The following METTL25 variants were observed in gnomAD, a reference collection of about 807,000 sequenced individuals.
The protein encoded by METTL25 is methyltransferase like 25, also known as probable methyltransferase-like protein 25.
A neutral mutation model predicts 71.6 loss-of-function variants in METTL25; 64 were observed. The observed-to-expected ratio is 0.89, with a 90% CI of 0.73 to 1.10. METTL25 has a LOEUF of 1.10. METTL25 is among the 50% of genes least tolerant of loss of function. The probability of loss-of-function intolerance (pLI) is 0.00; values close to 1 mark genes in which losing one functional copy is unlikely to be tolerated. For missense variants in METTL25, 807 were observed against 707.0 expected (o/e 1.14, Z -1.60); for synonymous variants, 287 against 250.3 (o/e 1.15, Z -1.38).
At chr12:82,474,053 C>T (rs1322616036) in intron 9 of METTL25, among the ~76,000 whole-genome samples, 2 of 152,230 alleles carry the variant, frequency 1.3e-5, no homozygotes, top group Admixed American at 6.5e-5. Context: ...GTGGGGAGTG[C>T]GCGCATTGTT....
intron 5 of METTL25, among the ~76,000 whole-genome samples, chr12:82,417,010 A>C (rs1296052494): frequency 1.3e-5 from 2 of 152,158 alleles, no homozygotes; most frequent in Admixed American, 1.3e-4. Context: ...TGAGTTTCTA[A>C]ACTTGCAACT....
chr12:82,452,298 A>T (rs886452890), intron 8 of METTL25, among the ~76,000 whole-genome samples: 2 of 152,140 alleles, frequency 1.3e-5, no homozygotes, highest in African/African-American at 2.4e-5. Context: ...TTCTGTTTAA[A>T]GATTCTTTGG....
chr12:82,405,982 C>T (rs1191102061), intron 5 of METTL25, among the ~76,000 whole-genome samples: 1 of 152,144 alleles, frequency 6.6e-6, no homozygotes, highest in African/African-American at 2.4e-5. Context: ...ACTGAACAAA[C>T]ATTTATTGAG....
chr12:82,409,120 T>TTG (rs1377743858), intron 5 of METTL25, among the ~76,000 whole-genome samples: 1 of 152,158 alleles, frequency 6.6e-6, no homozygotes, highest in Non-Finnish European at 1.5e-5. Flanking sequence ...TGAATGTGTT[T>TTG]ACCCAATACA....
chr12:82,362,011 C>T (rs1881997808), intron 1 of METTL25, among the ~76,000 whole-genome samples: 1 of 152,204 alleles, frequency 6.6e-6, no homozygotes, highest in Non-Finnish European at 1.5e-5. Flanking sequence ...TACAAGTAAA[C>T]ATAATTCCCA....
At chr12:82,417,813 A>G (rs1888118856) in intron 5 of METTL25, among the ~76,000 whole-genome samples, 1 of 152,120 alleles carries the variant, frequency 6.6e-6, no homozygotes, top group African/African-American at 2.4e-5. Flanking sequence ...ATGCTGTTTT[A>G]TATAGGGTAG....
In METTL25 at chr12:82,445,033, TGAGA is replaced by T. The variant is rs577614169; in HGVS notation, c.1478+6245_1478+6248del. Among the ~76,000 whole-genome samples the T allele has an allele frequency of 1.6e-4, 24 of 152,154 alleles. 1 individual carries two copies. In the South Asian group the frequency reaches 4.2e-3, roughly 26 times the overall value. ...GTACATCAAGAAAAGTAGAAAAACT[TGAGA>T]GAAACGACCTAATAGTATACCTCCA... On this transcript the variant is annotated intron_variant, in intron 8 of 11. Coordinates refer to ENST00000248306, the MANE Select transcript of METTL25 (RefSeq NM_032230.3).
chr12:82,452,033 A>C (rs1210723276), intron 8 of METTL25, among the ~76,000 whole-genome samples: 1 of 152,106 alleles, frequency 6.6e-6, no homozygotes, highest in African/African-American at 2.4e-5. Flanking sequence ...TTTCTTCTAG[A>C]CTGAGCTATT....
At chr12:82,398,110 T>A (rs1240351930) in intron 3 of METTL25, among the ~76,000 whole-genome samples, 1 of 152,026 alleles carries the variant, frequency 6.6e-6, no homozygotes. Flanking sequence ...TATCTCTTTA[T>A]ATCAATTTTT....
At chr12:82,460,349 A>G (rs868850872) in intron 9 of METTL25, among the ~76,000 whole-genome samples, 1 of 152,216 alleles carries the variant, frequency 6.6e-6, no homozygotes, top group Non-Finnish European at 1.5e-5. Flanking sequence ...AGATAGAGCA[A>G]AACTCCCCAT....
Position 82,389,861 on chromosome 12 carries a change from A to G in METTL25, c.470A>G (p.His157Arg). The G allele has an allele frequency of 2.5e-6, 4 of 1,605,628 alleles. No homozygotes were observed. The highest frequency in any genetic ancestry group is 3.4e-6 in the Non-Finnish European group (4 of 1,174,566). The change falls in exon 3 of 12, where the codon CAT (histidine) becomes CGT (arginine). Residue 157 changes from histidine (H) to arginine (R), a missense_variant. By Grantham distance (29) the His-to-Arg change is conservative (BLOSUM62 0). Transcript: ENST00000248306. ...GAGTTTATGAATATGAAGAAATCTC[A>G]TGAAGTTCAGGCAATGTCAGAGCTG... The part of the protein sequence containing the change: ...AVEFMNMKKS[H>R]EVQAMSELIS...
chr12:82,402,882 C>A, intron 4 of METTL25, 101 bp from the exon 5 acceptor site: 1 of 841,366 alleles, frequency 1.2e-6, no homozygotes, highest in Non-Finnish European at 1.8e-6. Flanking sequence ...CACAGTGCAG[C>A]CTGGGCAACA....
At chr12:82,409,211 C>T (rs1311399985) in intron 5 of METTL25, among the ~76,000 whole-genome samples, 1 of 152,074 alleles carries the variant, frequency 6.6e-6, no homozygotes, top group African/African-American at 2.4e-5. Flanking sequence ...ATTGTGAATA[C>T]TGAATTTATA....
intron 2 of METTL25, among the ~76,000 whole-genome samples, chr12:82,387,456 T>C (rs1332992033): frequency 6.6e-6 from 1 of 152,024 alleles, no homozygotes; most frequent in African/African-American, 2.4e-5. Flanking sequence ...CAATGTAAAT[T>C]GTTTCTACAT....
intron 5 of METTL25, among the ~76,000 whole-genome samples, chr12:82,411,112 A>G (rs144098224): frequency 1.5e-4 from 23 of 152,228 alleles, no homozygotes; most frequent in African/African-American, 4.8e-4. Flanking sequence ...CTGGAAACAT[A>G]TATCTAGTCA....
chr12:82,413,042 A>C (rs1029251065), intron 5 of METTL25, among the ~76,000 whole-genome samples: 2 of 152,092 alleles, frequency 1.3e-5, no homozygotes, highest in East Asian at 3.8e-4. Flanking sequence ...TTTAAAAAAC[A>C]GTTGTATGTA....
intron 5 of METTL25, chr12:82,407,772 A>G (rs1455580473): frequency 3.1e-6 from 3 of 976,736 alleles, no homozygotes; most frequent in Non-Finnish European, 3.6e-6. Context: ...AATGTGGAAA[A>G]ATAAGTGATA....
intron 5 of METTL25, among the ~76,000 whole-genome samples, chr12:82,413,763 A>G (rs943402750): frequency 1.3e-5 from 2 of 151,946 alleles, no homozygotes; most frequent in Non-Finnish European, 2.9e-5. Context: ...TACTTTTAGT[A>G]TCTTTTTTTT....
chr12:82,371,534 G>C (rs995517440), intron 1 of METTL25, among the ~76,000 whole-genome samples: 1 of 152,196 alleles, frequency 6.6e-6, no homozygotes, highest in African/African-American at 2.4e-5. Context: ...TTGTCTGTCT[G>C]AGGGCCATGA....
Sources: allele counts gnomAD v4.1 joint callset (sites outside exome capture counted in the v4.1 genomes callset), GRCh38; gene constraint gnomAD v4.1.1; transcripts MANE v1.5; gene names NCBI Gene and HGNC (gene_info 2026-07-23, HGNC 2026-07-21).